The following RETREG1 variants were observed in gnomAD, a reference collection of about 807,000 sequenced individuals.
The protein encoded by RETREG1 is family with sequence similarity 134 member B.
RETREG1 carries 44 observed loss-of-function variants against 54.8 expected under a neutral mutation model. The observed-to-expected ratio is 0.80, with a 90% CI of 0.63 to 1.03. The LOEUF (loss-of-function observed/expected upper bound fraction) is 1.03, where lower values mean the gene tolerates loss of function less well. Among genes scored for constraint, RETREG1 ranks in the 50% least tolerant of loss-of-function variants. The probability of loss-of-function intolerance (pLI) is 0.00; values close to 1 mark genes in which losing one functional copy is unlikely to be tolerated. For missense variants in RETREG1, 554 were observed against 605.1 expected, an observed-to-expected ratio of 0.92 and a Z score of 0.89; for synonymous variants, 217 against 238.5, an observed-to-expected ratio of 0.91 and a Z score of 0.83.
In RETREG1 at chr5:16,474,696, A is replaced by ATTTTTTTTGTGTTTTTT; in HGVS notation, c.*44_*45insAAAAAACACAAAAAAAA. On this transcript the variant is annotated 3_prime_UTR_variant, in exon 9 of 9. Transcript: ENST00000306320. Reference sequence around the variant, plus strand: ...TTTTTTTTTTTTTTTCTTGTTTGAAATTTTTTTGGTGTTTTTTGTGCTCTG... The same window carrying ATTTTTTTTGTGTTTTTT: ...TTTTTTTTTTTTTTTCTTGTTTGAAATTTTTTTTGTGTTTTTTTTTTTTTGGTGTTTTTTGTGCTCTG... 2 of 1,521,920 alleles carry ATTTTTTTTGTGTTTTTT rather than the reference A, an allele frequency of 1.3e-6. No homozygotes were observed. Among genetic ancestry groups the ATTTTTTTTGTGTTTTTT allele is most frequent in the Non-Finnish European group, 1.7e-6 (2 of 1,143,330 alleles). The allele number at this position is 1,521,920 out of a possible 1,614,324, so 94.3% of individuals were successfully genotyped here.
At chr5:16,499,017 A>C (rs1035866342) in intron 3 of RETREG1, among the ~76,000 whole-genome samples, 8 of 151,770 alleles carry the variant, frequency 5.3e-5, no homozygotes, top group Non-Finnish European at 1.0e-4. Context: ...AGCTCTACAA[A>C]ATTTTTTTCT....
At chr5:16,501,454 GTAGAAGAGCTATT>G (rs1739708526) in intron 3 of RETREG1, among the ~76,000 whole-genome samples, 1 of 152,220 alleles carries the variant, frequency 6.6e-6, no homozygotes, top group Non-Finnish European at 1.5e-5. Context: ...GTGATTCCAT[GTAGAAGAGCTATT>G]TATCAAGCGA....
At chr5:16,568,817 T>C (rs1742093139) in intron 2 of RETREG1, among the ~76,000 whole-genome samples, 1 of 152,118 alleles carries the variant, frequency 6.6e-6, no homozygotes, top group South Asian at 2.1e-4. Context: ...ACTTAAAAAT[T>C]TTCTAAGAGA....
chr5:16,534,756 T>C (rs913718038), intron 3 of RETREG1, among the ~76,000 whole-genome samples: 3 of 152,348 alleles, frequency 2.0e-5, no homozygotes, highest in African/African-American at 7.2e-5. Context: ...CCCTCAGAAT[T>C]ATACTTAGTA....
intron 4 of RETREG1, chr5:16,483,090 A>G (rs1738869044): frequency 2.2e-6 from 1 of 450,622 alleles, no homozygotes; most frequent in Non-Finnish European, 4.0e-6. Context: ...ACCAATCACC[A>G]TTCATTTTAG....
chr5:16,478,350 C>CT (rs935287800), intron 6 of RETREG1, among the ~76,000 whole-genome samples: 2 of 152,106 alleles, frequency 1.3e-5, no homozygotes, highest in African/African-American at 2.4e-5. Flanking sequence ...TCCCTGGGAA[C>CT]TTTTTAGAAA....
chr5:16,563,407 G>A (rs553842308), intron 3 of RETREG1, among the ~76,000 whole-genome samples: 14 of 152,074 alleles, frequency 9.2e-5, no homozygotes, highest in African/African-American at 2.4e-4. Context: ...ACATGCATGC[G>A]CCACCATGCC....
intron 3 of RETREG1, among the ~76,000 whole-genome samples, chr5:16,542,994 A>G (rs1456860240): frequency 1.3e-5 from 2 of 152,194 alleles, no homozygotes; most frequent in African/African-American, 4.8e-5. Context: ...GCTTCCCTGC[A>G]CCATTCCTTC....
Position 16,489,082 on chromosome 5 carries a change from C to CAAAAAAA in RETREG1, c.459-5617_459-5611dup, listed in dbSNP as rs567475517. 6.8e-4 allele frequency among the ~76,000 whole-genome samples: 43 copies of CAAAAAAA among 62,972 alleles called. 1 individual carries two copies. The highest frequency in any genetic ancestry group is 1.2e-3 in the Non-Finnish European group (41 of 35,302). The allele number at this position is 62,972 out of a possible 152,430, so 41.3% of individuals were successfully genotyped here. On this transcript the variant is annotated intron_variant, in intron 3 of 8. Transcript: ENST00000306320. Reference sequence around the variant, plus strand: ...TGGGCAACAGAGCGAGATTCTGTCTCAAAAAAAAAAAAAAAAAAAAAAAAA... The same window carrying CAAAAAAA: ...TGGGCAACAGAGCGAGATTCTGTCTCAAAAAAAAAAAAAAAAAAAAAAAAAAAAAAAA...
chr5:16,514,192 G>T (rs1213435976), intron 3 of RETREG1, among the ~76,000 whole-genome samples: 1 of 152,084 alleles, frequency 6.6e-6, no homozygotes, highest in Non-Finnish European at 1.5e-5. Context: ...GATTTATGGG[G>T]AGGAGATGAA....
chr5:16,612,388 G>A (rs923833058), intron 1 of RETREG1, among the ~76,000 whole-genome samples: 3 of 152,228 alleles, frequency 2.0e-5, no homozygotes, highest in Non-Finnish European at 4.4e-5. Context: ...ATTTCAGGAT[G>A]TGCTTACAAG....
intron 3 of RETREG1, among the ~76,000 whole-genome samples, chr5:16,528,527 A>G (rs1335976130): frequency 2.0e-5 from 3 of 152,130 alleles, no homozygotes; most frequent in Admixed American, 1.3e-4. Context: ...CTTCAGGAGC[A>G]AAAGAAAGAT....
At chr5:16,605,334 G>GTCCTTC (rs1743156814) in intron 1 of RETREG1, among the ~76,000 whole-genome samples, 1 of 152,110 alleles carries the variant, frequency 6.6e-6, no homozygotes, top group Middle Eastern at 3.2e-3. Flanking sequence ...AAGAAAAGGC[G>GTCCTTC]TCCTTCTCAC....
At chr5:16,582,576 G>A (rs1000032950) in intron 1 of RETREG1, among the ~76,000 whole-genome samples, 2 of 150,746 alleles carry the variant, frequency 1.3e-5, no homozygotes, top group Non-Finnish European at 1.5e-5. Flanking sequence ...AGACAAAGGA[G>A]AGTGTCAGGG....
rs139874020 is a variant in RETREG1 at position 16,475,082 on chromosome 5, T to G, written c.1153A>C (p.Arg385=). ...RKKEQLDSGH[R]PSKETQSAAG... is the part of the protein sequence containing the mutation. ...GCTGATTGCGTCTCTTTGCTTGGTC[T>G]GTGACCACTGTCCAACTGTTCCTTC... The change falls in exon 9 of 9, where the codon AGA becomes CGA. Residue 385 remains arginine, a synonymous_variant. Transcript: ENST00000306320. 2.5e-5 allele frequency: 41 copies of G among 1,614,016 alleles called. No individual in the cohort carries two copies. The highest frequency in any genetic ancestry group is 3.3e-5 in the Non-Finnish European group (39 of 1,179,932).
rs1454338742 is a variant in RETREG1, at chr5:16,585,672, GA to G, written c.321-13571del. Among the ~76,000 whole-genome samples the G allele has an allele frequency of 6.6e-6, 1 of 152,182 alleles. No individual in the cohort carries two copies. Among genetic ancestry groups the G allele is most frequent in the Non-Finnish European group, 1.5e-5 (1 of 68,028 alleles). ...TACCTGAGACTGGGTAATTTATAAA[GA>G]AAAGAGATTTAACTGGCTCTTGGTT... is the stretch of plus-strand genomic sequence containing the variant. On this transcript the variant is annotated intron_variant, in intron 1 of 8. Coordinates refer to ENST00000306320, the MANE Select transcript of RETREG1 (RefSeq NM_001034850.3). The surrounding 1 kb of genome is among the most constrained non-coding windows in gnomAD (Gnocchi z 4.5).
rs1219326760 is a variant in RETREG1, at chr5:16,616,876, T to TGCCTGGGGCGGTGGCGGCGAC, written c.75_95dup (p.Pro28_Pro34dup). The TGCCTGGGGCGGTGGCGGCGAC allele has an allele frequency of 6.7e-7, 1 of 1,490,632 alleles. No homozygotes were observed. Among genetic ancestry groups the TGCCTGGGGCGGTGGCGGCGAC allele is most frequent in the Non-Finnish European group, 8.9e-7 (1 of 1,127,784 alleles). 92.3% of individuals were successfully genotyped at this position (1,490,632 alleles called of 1,614,324 possible). A position where few individuals can be genotyped will look rare whatever the true frequency, so the allele number is the denominator to read the frequency against. On this transcript the variant is annotated inframe_insertion, in exon 1 of 9. Coordinates refer to ENST00000306320, the MANE Select transcript of RETREG1 (RefSeq NM_001034850.3). Reference sequence around the variant, plus strand: ...CCTGCTGCTGCCGCTCTGCGGGGGATGCCTGGGGCGGTGGCGGCGACGGCG... The same window carrying TGCCTGGGGCGGTGGCGGCGAC: ...CCTGCTGCTGCCGCTCTGCGGGGGATGCCTGGGGCGGTGGCGGCGACGCCTGGGGCGGTGGCGGCGACGGCG...
At chr5:16,569,629 T>G (rs1742118707) in intron 2 of RETREG1, among the ~76,000 whole-genome samples, 1 of 152,170 alleles carries the variant, frequency 6.6e-6, no homozygotes, top group South Asian at 2.1e-4. Context: ...ATGAGGATGT[T>G]TTCTGCCATT....
At chr5:16,559,358 G>A (rs895218162) in intron 3 of RETREG1, among the ~76,000 whole-genome samples, 1 of 152,184 alleles carries the variant, frequency 6.6e-6, no homozygotes, top group Non-Finnish European at 1.5e-5. Flanking sequence ...GACTGACTCT[G>A]TTGAATCTGT....
Sources: allele counts gnomAD v4.1 joint callset (sites outside exome capture counted in the v4.1 genomes callset), GRCh38; gene constraint gnomAD v4.1.1; non-coding constraint Gnocchi (gnomAD v3.1); transcripts MANE v1.5; gene names NCBI Gene and HGNC (gene_info 2026-07-23, HGNC 2026-07-21).